The following RFX3 variants were observed in gnomAD, a reference collection of about 807,000 sequenced individuals.
RFX3 encodes the protein transcription factor RFX3.
Under a neutral mutation model 98.6 loss-of-function variants are expected in RFX3, and 14 were observed. The observed-to-expected ratio is 0.14, with a 90% CI of 0.09 to 0.22. The LOEUF is 0.22. Among genes scored for constraint, RFX3 ranks in the 10% least tolerant of loss-of-function variants. RFX3 has a pLI of 1.00. For synonymous variants in RFX3, 383 were observed against 328.4 expected, an observed-to-expected ratio of 1.17 and a Z score of -1.80; for missense variants, 639 against 926.9, an observed-to-expected ratio of 0.69 and a Z score of 4.03.
chr9:3,464,219 C>A (rs1225242594), intron 1 of RFX3, among the ~76,000 whole-genome samples: 1 of 152,172 alleles, frequency 6.6e-6, no homozygotes, highest in Non-Finnish European at 1.5e-5. Context: ...AACAGTTTGG[C>A]AGTTACTTCG....
intron 1 of RFX3, among the ~76,000 whole-genome samples, chr9:3,434,725 C>T (rs2132590643): frequency 6.6e-6 from 1 of 152,232 alleles, no homozygotes; most frequent in Admixed American, 6.6e-5. Context: ...TTCTCTAGCT[C>T]AGCCATGGGT....
chr9:3,468,065 T>C (rs1389898508), intron 1 of RFX3, among the ~76,000 whole-genome samples: 3 of 152,316 alleles, frequency 2.0e-5, no homozygotes, highest in Middle Eastern at 3.4e-3. Context: ...TGTGATTACC[T>C]TTCCAGAAAC....
At chr9:3,270,648 G>T (rs1824301213) in intron 10 of RFX3, 123 bp from the exon 11 acceptor site, 5 of 940,510 alleles carry the variant, frequency 5.3e-6, no homozygotes, top group Non-Finnish European at 7.9e-6. Flanking sequence ...CCATTGCACT[G>T]GTGCCATACA....
intron 2 of RFX3, among the ~76,000 whole-genome samples, chr9:3,355,762 T>C (rs1835674174): frequency 6.6e-6 from 1 of 151,866 alleles, no homozygotes; most frequent in Admixed American, 6.6e-5. Flanking sequence ...ACATGCATCA[T>C]GAAAGTTCAG....
At chr9:3,245,868 C>G (rs930169630) in intron 15 of RFX3, among the ~76,000 whole-genome samples, 1 of 152,068 alleles carries the variant, frequency 6.6e-6, no homozygotes, top group East Asian at 1.9e-4. Flanking sequence ...ACAGGCACGT[C>G]TGGATTTGGT....
intron 4 of RFX3, among the ~76,000 whole-genome samples, chr9:3,325,620 T>C (rs1036126849): frequency 3.3e-5 from 5 of 151,934 alleles, no homozygotes; most frequent in African/African-American, 1.2e-4. Flanking sequence ...TACATAACCA[T>C]CTAATTATAA....
chr9:3,378,022 C>T (rs1416461402), intron 2 of RFX3, among the ~76,000 whole-genome samples: 1 of 152,008 alleles, frequency 6.6e-6, no homozygotes, highest in Non-Finnish European at 1.5e-5. Context: ...AAAATAAAAA[C>T]TAAAGATCAA....
intron 1 of RFX3, among the ~76,000 whole-genome samples, chr9:3,494,071 T>C (rs372852934): frequency 2.5e-4 from 38 of 152,236 alleles, no homozygotes; most frequent in African/African-American, 8.7e-4. Flanking sequence ...ATGTACTTAG[T>C]ATGATGAGAG....
chr9:3,458,305 G>C (rs558852188), intron 1 of RFX3, among the ~76,000 whole-genome samples: 1 of 152,224 alleles, frequency 6.6e-6, no homozygotes, highest in African/African-American at 2.4e-5. Context: ...TAGCAATCCA[G>C]ATGTATGCCA....
intron 1 of RFX3, among the ~76,000 whole-genome samples, chr9:3,467,319 T>TCAAGAACCATTA (rs1848395813): frequency 6.8e-6 from 1 of 147,902 alleles, no homozygotes; most frequent in Admixed American, 6.8e-5. Context: ...TATATATGTG[T>TCAAGAACCATTA]GTGTGTATGT....
chr9:3,242,002 T>A (rs923252283), intron 15 of RFX3, among the ~76,000 whole-genome samples: 13 of 152,138 alleles, frequency 8.5e-5, no homozygotes, highest in African/African-American at 3.1e-4. Flanking sequence ...GTCTATGTGT[T>A]TGTGTGTTTG....
intron 4 of RFX3, among the ~76,000 whole-genome samples, chr9:3,328,720 A>G (rs889430910): frequency 2.0e-5 from 3 of 152,218 alleles, no homozygotes; most frequent in African/African-American, 7.2e-5. Context: ...GTAGGAACAC[A>G]TGAAATTACT....
intron 1 of RFX3, among the ~76,000 whole-genome samples, chr9:3,459,061 A>C (rs935024009): frequency 2.0e-5 from 3 of 152,164 alleles, no homozygotes; most frequent in Admixed American, 2.0e-4. Flanking sequence ...AAATTAAAAC[A>C]ATGCCCCTCT....
intron 1 of RFX3, among the ~76,000 whole-genome samples, chr9:3,415,855 A>T (rs1018050572): frequency 2.6e-5 from 4 of 152,042 alleles, no homozygotes; most frequent in African/African-American, 9.7e-5. Context: ...CTCTCTATCA[A>T]TTCCTAGAAG....
chr9:3,260,913 T>C (rs1183885668), intron 13 of RFX3, among the ~76,000 whole-genome samples: 4 of 150,190 alleles, frequency 2.7e-5, no homozygotes, highest in African/African-American at 9.7e-5. Context: ...GATCTCTCTC[T>C]CTATATATAT....
intron 3 of RFX3, among the ~76,000 whole-genome samples, chr9:3,332,171 G>T (rs1003032781): frequency 2.0e-5 from 3 of 151,926 alleles, no homozygotes; most frequent in African/African-American, 7.3e-5. Flanking sequence ...TATTATACAG[G>T]CTGAGAATAC....
chr9:3,461,327 G>A (rs1021795910), intron 1 of RFX3, among the ~76,000 whole-genome samples: 18 of 151,822 alleles, frequency 1.2e-4, no homozygotes, highest in Admixed American at 6.6e-4. Flanking sequence ...AACAGATACC[G>A]TGTTAGATGG....
chr9:3,400,679 T>C (rs912011820), intron 1 of RFX3, among the ~76,000 whole-genome samples: 1 of 152,354 alleles, frequency 6.6e-6, no homozygotes, highest in Admixed American at 6.5e-5. Flanking sequence ...TTAGAGGGTA[T>C]CAATCATATC....
chr9:3,385,286 GC>G (rs1166980957), intron 2 of RFX3, among the ~76,000 whole-genome samples: 3 of 152,110 alleles, frequency 2.0e-5, no homozygotes, highest in African/African-American at 7.2e-5. Context: ...AAGAACTAAT[GC>G]TAAAATTGAT....
Sources: gnomAD v4.1 joint callset for allele counts (sites outside exome capture counted in the v4.1 genomes callset) on GRCh38, gnomAD v4.1.1 for gene constraint, MANE v1.5 for transcripts, NCBI Gene and HGNC (gene_info 2026-07-23, HGNC 2026-07-21) for gene names.